The following EXOC6 variants were observed in gnomAD, a reference collection of about 807,000 sequenced individuals.
The protein encoded by EXOC6 is SEC15-like 1.
A neutral mutation model predicts 112.5 loss-of-function variants in EXOC6; 60 were observed. That is an observed-to-expected ratio of 0.53 (90% CI 0.43 to 0.66). The LOEUF (loss-of-function observed/expected upper bound fraction) is 0.66. Among genes scored for constraint, EXOC6 ranks in the 30% least tolerant of loss-of-function variants. EXOC6 has a pLI of 0.00. For synonymous variants in EXOC6, 295 were observed against 308.0 expected (o/e 0.96, Z 0.44); for missense variants, 855 against 957.1 (o/e 0.89, Z 1.41).
chr10:93,015,100 G>A (rs1590044025), intron 20 of EXOC6, among the ~76,000 whole-genome samples: 1 of 152,056 alleles, frequency 6.6e-6, no homozygotes, highest in South Asian at 2.1e-4. Flanking sequence ...GAACCATATG[G>A]AGATTGAATT....
At chr10:92,924,231 A>G (rs1197345595) in intron 8 of EXOC6, among the ~76,000 whole-genome samples, 3 of 152,266 alleles carry the variant, frequency 2.0e-5, no homozygotes, top group East Asian at 3.9e-4. Flanking sequence ...TGCTAAAACT[A>G]TGTCCTATGT....
chr10:93,033,975 G>A (rs1845392305), intron 20 of EXOC6, among the ~76,000 whole-genome samples: 1 of 152,224 alleles, frequency 6.6e-6, no homozygotes. Flanking sequence ...ACACTATTGT[G>A]TAGGAAATCA....
chr10:92,920,104 G>A (rs932544767), intron 8 of EXOC6, 54 bp downstream of exon 8: 29 of 1,163,386 alleles, frequency 2.5e-5, no homozygotes, highest in African/African-American at 1.9e-4. Flanking sequence ...TAAAAGGCAT[G>A]TATGTATTTT....
Position 92,896,179 on chromosome 10 carries a change from ATATTTTTTTTTTTTTTTT to A in EXOC6, c.412+1161_412+1178del, listed in dbSNP as rs1564810108. 9.0e-3 allele frequency among the ~76,000 whole-genome samples: 118 copies of A among 13,072 alleles called. 5 individuals are homozygous for A. The highest frequency in any genetic ancestry group is 0.025 in the African/African-American group (61 of 2,422). The allele number at this position is 13,072 out of a possible 152,430, so 8.6% of individuals were successfully genotyped here. A position where few individuals can be genotyped will look rare whatever the true frequency, so the allele number is the denominator to read the frequency against. On this transcript the variant is annotated intron_variant, in intron 4 of 21. Coordinates refer to ENST00000260762, the MANE Select transcript of EXOC6 (RefSeq NM_019053.6). ...TATATATATATATATATATATATAT[ATATTTTTTTTTTTTTTTT>A]TTTTTTTTTTTTTTTTTTTTGGCGG...
At chr10:92,952,165 C>A in intron 14 of EXOC6, 108 bp from the exon 15 acceptor site, 1 of 626,850 alleles carries the variant, frequency 1.6e-6, no homozygotes, top group Non-Finnish European at 2.8e-6. Context: ...GTTTTTGATG[C>A]AGGTATTTGC....
At chr10:92,827,434 A>G (rs1007104485) in intron 1 of EXOC6, among the ~76,000 whole-genome samples, 1 of 129,168 alleles carries the variant, frequency 7.7e-6, no homozygotes, top group Non-Finnish European at 1.6e-5. Flanking sequence ...AGATGGCACC[A>G]CTGCACTGCA....
At position 92,896,138 on chromosome 10, in the gene EXOC6, T is replaced by C. The variant is rs1220282582; in HGVS notation, c.412+1118T>C. On this transcript the variant is annotated intron_variant, in intron 4 of 21. Transcript: ENST00000260762. ...ATATATATGTGTGTGTGTGTGTGTG[T>C]ATGTATGTGTATATATATATATATA... 1.5e-3 allele frequency among the ~76,000 whole-genome samples: 23 copies of C among 15,002 alleles called. 1 individual carries two copies. In the East Asian group the frequency reaches 0.31, roughly 201 times the overall value. 9.8% of individuals were successfully genotyped at this position (15,002 alleles called of 152,430 possible).
chr10:92,935,076 AATTG>A lies in EXOC6; in HGVS notation c.1140+649_1140+652del, dbSNP rs566775068. On this transcript the variant is annotated intron_variant, in intron 11 of 21. Coordinates refer to ENST00000260762, the MANE Select transcript of EXOC6 (RefSeq NM_019053.6). ...AAATTTTGTCTATTTATAATTTTAT[AATTG>A]ATCATTGAGATTTTTAAAAATTGAA... is the stretch of plus-strand genomic sequence containing the variant. Among the ~76,000 whole-genome samples the A allele has an allele frequency of 2.0e-4, 30 of 152,052 alleles. No homozygotes were observed. The South Asian group carries it at 5.8e-3, about 29-fold the overall frequency.
At chr10:92,902,518 C>G (rs1217734750) in intron 5 of EXOC6, among the ~76,000 whole-genome samples, 1 of 151,558 alleles carries the variant, frequency 6.6e-6, no homozygotes, top group Non-Finnish European at 1.5e-5. Context: ...CTTTTTTGAT[C>G]TCCAAATTTT....
intron 19 of EXOC6, among the ~76,000 whole-genome samples, chr10:93,005,576 G>A (rs835255): frequency 0.01 from 1,582 of 152,204 alleles, 30 homozygotes; most frequent in African/African-American, 0.036. Context: ...AATTCTTCCT[G>A]TTACTAAGAA....
At chr10:93,058,112 CA>C in intron 21 of EXOC6, 110 bp from the exon 22 acceptor site, 1 of 918,934 alleles carries the variant, frequency 1.1e-6, no homozygotes, top group South Asian at 1.7e-5. Flanking sequence ...CTATATTTTT[CA>C]AGCATAGGAT....
In EXOC6 at chr10:92,955,627, A is replaced by T; in HGVS notation, c.1686A>T (p.Lys562Asn). ...INTTHLEQAC[K>N]YLEDFITNIT... is the part of the protein sequence containing the mutation. ...CAACACACCTGGAGCAAGCTTGTAA[A>T]TATCTTGAGGACTTTATAACTAACA... The change falls in exon 17 of 22, where the codon AAA becomes AAT. Residue 562 changes from lysine (K) to asparagine (N), a missense_variant. Lys to Asn is a moderately conservative substitution (Grantham distance 94). This residue lies in a region of EXOC6 where 450 missense variants were observed against 563.5 expected (regional missense o/e 0.80). Transcript: ENST00000260762. The T allele has an allele frequency of 6.2e-7, 1 of 1,611,728 alleles. No homozygotes were observed. Among genetic ancestry groups the T allele is most frequent in the East Asian group, 2.2e-5 (1 of 44,720 alleles).
chr10:92,915,131 A>AACT (rs1424356211), intron 6 of EXOC6, among the ~76,000 whole-genome samples: 9 of 152,228 alleles, frequency 5.9e-5, no homozygotes, highest in African/African-American at 2.2e-4. Flanking sequence ...CTGTGAGGTT[A>AACT]ATGGCTAATT....
At position 92,948,310 on chromosome 10, in the gene EXOC6, T is replaced by G; in HGVS notation, c.1347T>G (p.Pro449=). The G allele has an allele frequency of 1.2e-6, 2 of 1,609,656 alleles. No individual in the cohort carries two copies. Among genetic ancestry groups the G allele is most frequent in the Non-Finnish European group, 1.7e-6 (2 of 1,178,366 alleles). ...IFEEDNYSPI[P]VVNEEEYKIV... is the part of the protein sequence containing the mutation. ...AAGAAGATAATTACAGCCCCATCCC[T>G]GTTGTCAATGAAGAAGAATATAAAA... Residue 449 remains proline (P), a synonymous_variant, in exon 14 of 22, where the codon CCT becomes CCG. Transcript: ENST00000260762.
intron 9 of EXOC6, among the ~76,000 whole-genome samples, chr10:92,929,395 C>G (rs1371730742): frequency 6.6e-6 from 1 of 152,206 alleles, no homozygotes; most frequent in Non-Finnish European, 1.5e-5. Flanking sequence ...CATCCTGATA[C>G]TATCTCCAAG....
chr10:93,046,612 T>TA (rs55994981), intron 20 of EXOC6, among the ~76,000 whole-genome samples: 1 of 151,438 alleles, frequency 6.6e-6, no homozygotes, highest in Non-Finnish European at 1.5e-5. Flanking sequence ...TTTTTTTTTT[T>TA]ATGAGACCGA....
intron 13 of EXOC6, among the ~76,000 whole-genome samples, chr10:92,941,844 G>T (rs115724343): frequency 0.011 from 1,617 of 152,210 alleles, 32 homozygotes; most frequent in African/African-American, 0.037. Context: ...CCCCACACTT[G>T]AATTACTAAA....
intron 20 of EXOC6, among the ~76,000 whole-genome samples, chr10:93,031,513 T>TCTTTC (rs200532200): frequency 3.4e-5 from 4 of 117,088 alleles, no homozygotes; most frequent in African/African-American, 7.4e-5. Context: ...TTTCTTTCTT[T>TCTTTC]TTTTTTTTTT....
At chr10:92,935,697 T>A in intron 11 of EXOC6, 117 bp from the exon 12 acceptor site, 2 of 771,860 alleles carry the variant, frequency 2.6e-6, no homozygotes, top group Non-Finnish European at 4.2e-6. Flanking sequence ...TTAAACTTAT[T>A]ATAAGTCTGG....
Sources: allele counts gnomAD v4.1 joint callset (sites outside exome capture counted in the v4.1 genomes callset), GRCh38; gene constraint gnomAD v4.1.1; regional missense constraint gnomAD v4.1.1; transcripts MANE v1.5; gene names NCBI Gene and HGNC (gene_info 2026-07-23, HGNC 2026-07-21).